Variants in NIPAL3 observed in about 807,000 individuals in gnomAD.
NIPAL3 encodes NIPA-like protein 3.
A neutral mutation model predicts 47.2 loss-of-function variants in NIPAL3; 41 were observed. The observed-to-expected ratio is 0.87, with a 90% CI of 0.68 to 1.13. The LOEUF (loss-of-function observed/expected upper bound fraction) is 1.13. Ranked by LOEUF, NIPAL3 falls within the 50% of genes most tolerant of loss-of-function variation. The probability of loss-of-function intolerance (pLI) is 0.00; values close to 1 mark genes in which losing one functional copy is unlikely to be tolerated. For synonymous variants in NIPAL3, 194 were observed against 209.6 expected, an observed-to-expected ratio of 0.93 and a Z score of 0.64; for missense variants, 449 against 530.1, an observed-to-expected ratio of 0.85 and a Z score of 1.50.
At chr1:24,460,386 C>CT in intron 9 of NIPAL3, 95 bp from the exon 10 acceptor site, 1 of 993,172 alleles carries the variant, frequency 1.0e-6, no homozygotes, top group Non-Finnish European at 1.5e-6. Flanking sequence ...TTTTAGTTTC[C>CT]TAAATGGAAG....
rs61710546 is a variant in NIPAL3 at position 24,462,065 on chromosome 1, G to A, written c.926+1521G>A. 9.9e-3 allele frequency among the ~76,000 whole-genome samples: 1,504 copies of A among 152,308 alleles called. 29 individuals are homozygous for A. Among genetic ancestry groups the A allele is most frequent in the African/African-American group, 0.034 (1,408 of 41,562 alleles). On this transcript the variant is annotated intron_variant, in intron 10 of 11. Transcript: ENST00000374399. ...CTGGGGAGGCCTCAGGAAACTTACA[G>A]TCATTGCAGAAGGGGAAGCAAACAC...
At chr1:24,463,555 A>G (rs898859003) in intron 10 of NIPAL3, among the ~76,000 whole-genome samples, 2 of 152,214 alleles carry the variant, frequency 1.3e-5, no homozygotes, top group African/African-American at 2.4e-5. Flanking sequence ...GAAAAAGGGA[A>G]AAAACAAAAC....
upstream of NIPAL3, chr1:24,414,842 A>G (rs542660422): frequency 1.3e-5 from 2 of 151,990 alleles, no homozygotes; most frequent in South Asian, 4.2e-4. Context: ...CAAATATGTT[A>G]TTTATAAACT....
At chr1:24,446,061 A>T (rs1645643085) in intron 5 of NIPAL3, among the ~76,000 whole-genome samples, 1 of 91,260 alleles carries the variant, frequency 1.1e-5, no homozygotes, top group Non-Finnish European at 2.5e-5. Flanking sequence ...GCTCACAGAG[A>T]TTATAGTCGT....
intron 6 of NIPAL3, among the ~76,000 whole-genome samples, chr1:24,453,131 CAAGA>C (rs1181399570): frequency 6.6e-6 from 1 of 152,092 alleles, no homozygotes; most frequent in Non-Finnish European, 1.5e-5. Flanking sequence ...CTTGGCCCTC[CAAGA>C]AAGAGTGGAT....
intron 2 of NIPAL3, among the ~76,000 whole-genome samples, chr1:24,431,726 C>A (rs1404013087): frequency 6.6e-6 from 1 of 152,026 alleles, no homozygotes; most frequent in Non-Finnish European, 1.5e-5. Flanking sequence ...AGTCAGTTCC[C>A]CGATCCCATT....
intron 2 of NIPAL3, among the ~76,000 whole-genome samples, chr1:24,425,640 C>T: frequency 6.6e-6 from 1 of 152,028 alleles, no homozygotes; most frequent in East Asian, 1.9e-4. Flanking sequence ...GAGACAGAGT[C>T]TCCTGTGTGG....
At chr1:24,450,836 G>A (rs1257745743) in intron 6 of NIPAL3, among the ~76,000 whole-genome samples, 1 of 152,200 alleles carries the variant, frequency 6.6e-6, no homozygotes, top group Admixed American at 6.5e-5. Context: ...AGAGGCCCTG[G>A]AACATCCTTT....
chr1:24,447,470 C>G (rs1440641810), intron 5 of NIPAL3, among the ~76,000 whole-genome samples: 2 of 151,848 alleles, frequency 1.3e-5, no homozygotes, highest in Non-Finnish European at 2.9e-5. Flanking sequence ...GGATATACAG[C>G]CAAGTTTGGG....
At chr1:24,457,656 C>A in intron 8 of NIPAL3, 1 of 478,380 alleles carries the variant, frequency 2.1e-6, no homozygotes, top group Non-Finnish European at 4.3e-6. Flanking sequence ...TAGAAAGTGG[C>A]GGAGCTGAGA....
At chr1:24,459,119 CAG>C in intron 9 of NIPAL3, 143 bp downstream of exon 9, 2 of 708,516 alleles carry the variant, frequency 2.8e-6, no homozygotes, top group Non-Finnish European at 4.9e-6. Context: ...GATTTCCAGA[CAG>C]AGAGACCCGG....
At chr1:24,424,400 C>A (rs1028563465) in intron 2 of NIPAL3, among the ~76,000 whole-genome samples, 9 of 152,156 alleles carry the variant, frequency 5.9e-5, no homozygotes, top group Admixed American at 1.3e-4. Flanking sequence ...TCTGACCATG[C>A]ACTAGGCATG....
At position 24,419,348 on chromosome 1, in the gene NIPAL3, A is replaced by G; in HGVS notation, c.-200A>G. On this transcript the variant is annotated 5_prime_UTR_variant, in exon 2 of 12. Transcript: ENST00000374399. ...CTGTCTGCCTGGGAGAGCCACGGAA[A>G]TTGGCACTTCTCTGAGTGAAGCTGA... The G allele has an allele frequency of 1.6e-6, 2 of 1,280,336 alleles. No individual in the cohort carries two copies. Among genetic ancestry groups the G allele is most frequent in the Non-Finnish European group, 2.0e-6 (2 of 1,015,226 alleles). The allele number at this position is 1,280,336 out of a possible 1,614,324, so 79.3% of individuals were successfully genotyped here.
At chr1:24,419,245 T>C in intron 1 of NIPAL3, 46 bp from the exon 2 acceptor site, 1 of 990,624 alleles carries the variant, frequency 1.0e-6, no homozygotes. Flanking sequence ...CTGGGCTCAG[T>C]GTTTCCTTGT....
chr1:24,424,284 A>T (rs1230121934), intron 2 of NIPAL3, among the ~76,000 whole-genome samples: 2 of 152,198 alleles, frequency 1.3e-5, no homozygotes, highest in African/African-American at 2.4e-5. Flanking sequence ...CCTTGGGTGT[A>T]TGGTACAACC....
At chr1:24,427,890 G>A (rs915132097) in intron 2 of NIPAL3, among the ~76,000 whole-genome samples, 12 of 152,102 alleles carry the variant, frequency 7.9e-5, no homozygotes, top group Non-Finnish European at 1.3e-4. Flanking sequence ...CTCTGGCCCC[G>A]CTTCTCCACC....
At chr1:24,437,114 A>T (rs1018827178) in intron 2 of NIPAL3, among the ~76,000 whole-genome samples, 12 of 151,870 alleles carry the variant, frequency 7.9e-5, no homozygotes, top group Non-Finnish European at 1.2e-4. Context: ...TAGCCGGGCG[A>T]GGTGGCGGGC....
chr1:24,445,163 T>C (rs554482329), intron 4 of NIPAL3, 22 bp from the exon 5 acceptor site: 1 of 1,594,644 alleles, frequency 6.3e-7, no homozygotes, highest in Non-Finnish European at 8.6e-7. Context: ...CAATTCCCTT[T>C]TCTTTGTGCT....
chr1:24,453,558 G>A (rs1646045972), intron 7 of NIPAL3, 54 bp downstream of exon 7: 1 of 1,407,764 alleles, frequency 7.1e-7, no homozygotes, highest in African/African-American at 1.4e-5. Context: ...GCACCAAATG[G>A]AAATGTGGGT....
Sources: allele counts gnomAD v4.1 joint callset (sites outside exome capture counted in the v4.1 genomes callset), GRCh38; gene constraint gnomAD v4.1.1; transcripts MANE v1.5; gene names NCBI Gene and HGNC (gene_info 2026-07-23, HGNC 2026-07-21).